ANXA2R: variants seen among roughly 807,000 people sequenced by gnomAD.
The protein encoded by ANXA2R is annexin A2 receptor, also known as annexin-2 receptor.
For missense variants in ANXA2R, 244 were observed against 241.5 expected (o/e 1.01, Z -0.07); for synonymous variants, 93 against 93.6 (o/e 0.99, Z 0.04).
At position 43,039,749 on chromosome 5, in the gene ANXA2R, G is replaced by A; in HGVS notation, c.298C>T (p.Gln100Ter). ...CCCACCTCTTCTACGGGTGCCTCTTGCTGCTTCTGTGTCCCCGGCCAACTG... is the reference window on the plus strand; with the variant it reads ...CCCACCTCTTCTACGGGTGCCTCTTACTGCTTCTGTGTCCCCGGCCAACTG... The change falls in exon 2 of 2, where the codon CAA (glutamine) becomes TAA (stop). Residue 100 changes from glutamine to a stop codon, truncating the protein, a stop_gained. Transcript: ENST00000314890. LOFTEE classifies it low-confidence loss of function (END_TRUNC). 1 of 1,614,214 alleles carries A rather than the reference G, an allele frequency of 6.2e-7. No individual in the cohort carries two copies.
rs1054428 is a variant in ANXA2R at position 43,039,691 on chromosome 5, T to C, written c.356A>G (p.Gln119Arg). ...QAEEPDRLRL[Q>R]QLPWSSPLHP... ...GAGAGGACTGCTCCAGGGAAGCTGC[T>C]GGAGCCTGAGTCTGTCGGGTTCCTC... Residue 119 changes from glutamine (Q) to arginine (R), a missense_variant, in exon 1 of 1, where the codon CAG becomes CGG. Physicochemically the swap from Gln to Arg is conservative, Grantham distance 43. Coordinates refer to ENST00000616064, the MANE Select transcript of ANXA2R (RefSeq NM_001014279.3). 476,934 of 1,613,498 alleles carry C rather than the reference T, an allele frequency of 0.3. 74,953 individuals carry two copies. Among genetic ancestry groups the C allele is most frequent in the Middle Eastern group, 0.37 (2,254 of 6,054 alleles).
rs1421799943 is a variant in ANXA2R, at chr5:43,040,016, G to A, written c.31C>T (p.Arg11Trp). Residue 11 changes from arginine to tryptophan, a missense_variant, in exon 1 of 1, where the codon CGG becomes TGG. By Grantham distance (101) the Arg-to-Trp change is moderately radical. Coordinates refer to ENST00000616064, the MANE Select transcript of ANXA2R (RefSeq NM_001014279.3). MEQHFLGCVK[R>W]AWDSAEVAPE... ...GCCACCTCTGCGGAATCCCAAGCCCGCTTCACACAGCCAAGAAAATGTTGC... is the reference window on the plus strand; with the variant it reads ...GCCACCTCTGCGGAATCCCAAGCCCACTTCACACAGCCAAGAAAATGTTGC... 6 of 1,610,402 alleles carry A rather than the reference G, an allele frequency of 3.7e-6. No individual in the cohort carries two copies. The highest frequency in any genetic ancestry group is 4.2e-6 in the Non-Finnish European group (5 of 1,178,648).
At chr5:43,041,237 C>CA (rs1209051706), upstream of ANXA2R, 2 of 152,164 alleles carry the variant, frequency 1.3e-5, no homozygotes, top group Non-Finnish European at 2.9e-5. Flanking sequence ...GCAAAAGTTA[C>CA]AGAGAACCAA....
Position 43,039,860 on chromosome 5 carries a change from G to A in ANXA2R, c.187C>T (p.Arg63Trp), listed in dbSNP as rs200897371. 1.2e-6 allele frequency: 2 copies of A among 1,614,222 alleles called. No individual in the cohort carries two copies. Among genetic ancestry groups the A allele is most frequent in the East Asian group, 4.5e-5 (2 of 44,888 alleles). ...TTTTGCCAGTAGACTCCGGGCAGCC[G>A]CCAGCAAGGGCTGGAAAGCAGTCCC... ...DLGLLSSPCW[R>W]LPGVYWQNGL... The change falls in exon 1 of 1, where the codon CGG becomes TGG. Residue 63 changes from arginine to tryptophan, a missense_variant. Physicochemically the swap from Arg to Trp is moderately radical, Grantham distance 101. Coordinates refer to ENST00000616064, the MANE Select transcript of ANXA2R (RefSeq NM_001014279.3).
In ANXA2R at chr5:43,040,060, G is replaced by A. The variant is rs1436639953; in HGVS notation, c.-14C>T. 2 of 1,587,242 alleles carry A rather than the reference G, an allele frequency of 1.3e-6. No homozygotes were observed. Among genetic ancestry groups the A allele is most frequent in the East Asian group, 2.2e-5 (1 of 44,784 alleles). On this transcript the variant is annotated 5_prime_UTR_variant, in exon 1 of 1. Coordinates refer to ENST00000616064, the MANE Select transcript of ANXA2R (RefSeq NM_001014279.3). ...ATGTTGCTCCATCCCTCAAGCCTCA[G>A]ACCAACGTTTGCGCTGATCAAGGAG...
chr5:43,041,835 A>G (rs1295839151), upstream of ANXA2R: 3 of 152,132 alleles, frequency 2.0e-5, no homozygotes, highest in Admixed American at 1.3e-4. Context: ...CTGCTGACCA[A>G]CGAGTCACAG....
At position 43,040,312 on chromosome 5, in the gene ANXA2R, T is replaced by C; in HGVS notation, c.-266A>G. ...GAAATGAAATGACACTAAGCAAATC[T>C]TGAAGAGAACTAGCGCTACAGAACG... On this transcript the variant is annotated 5_prime_UTR_variant, in exon 1 of 1. Transcript: ENST00000616064. 2.5e-6 allele frequency: 1 copy of C among 400,094 alleles called. No homozygotes were observed. The highest frequency in any genetic ancestry group is 4.7e-6 in the Non-Finnish European group (1 of 213,486). The allele number at this position is 400,094 out of a possible 1,614,324, so 24.8% of individuals were successfully genotyped here. A position where few individuals can be genotyped will look rare whatever the true frequency, so the allele number is the denominator to read the frequency against.
rs1246783829 is a variant in ANXA2R, at chr5:43,039,841, C to T, written c.206G>A (p.Trp69Ter). 1.2e-6 allele frequency: 2 copies of T among 1,614,218 alleles called. No homozygotes were observed. Among genetic ancestry groups the T allele is most frequent in the South Asian group, 2.2e-5 (2 of 91,082 alleles). The change falls in exon 2 of 2, where the codon TGG (tryptophan) becomes TAG (stop). Residue 69 changes from tryptophan to a stop codon, truncating the protein, a stop_gained. Transcript: ENST00000314890. LOFTEE classifies it low-confidence loss of function (END_TRUNC). ...GACTCCAGGAGAGAGTCCGTTTTGCCAGTAGACTCCGGGCAGCCGCCAGCA... is the reference window on the plus strand; with the variant it reads ...GACTCCAGGAGAGAGTCCGTTTTGCTAGTAGACTCCGGGCAGCCGCCAGCA...
In ANXA2R at chr5:43,040,031, G is replaced by T. The variant is rs1342120793; in HGVS notation, c.16C>A (p.Leu6Ile). The T allele has an allele frequency of 6.2e-7, 1 of 1,608,052 alleles. No homozygotes were observed. The highest frequency in any genetic ancestry group is 8.5e-7 in the Non-Finnish European group (1 of 1,177,440). The part of the protein sequence containing the change: MEQHF[L>I]GCVKRAWDSA... Reference sequence around the variant, plus strand: ...TCCCAAGCCCGCTTCACACAGCCAAGAAAATGTTGCTCCATCCCTCAAGCC... The same window carrying T: ...TCCCAAGCCCGCTTCACACAGCCAATAAAATGTTGCTCCATCCCTCAAGCC... The change falls in exon 1 of 1, where the codon CTT becomes ATT. Residue 6 changes from leucine (L) to isoleucine (I), a missense_variant. Leu to Ile is a conservative substitution (Grantham distance 5). Transcript: ENST00000616064.
Position 43,040,009 on chromosome 5 carries a change from C to G in ANXA2R, c.38G>C (p.Trp13Ser). ...QHFLGCVKRAWDSAEVAPEPQ... is the reference protein window; with the variant it reads ...QHFLGCVKRASDSAEVAPEPQ... The stretch of plus-strand genomic sequence containing the variant: ...CTCTGGCGCCACCTCTGCGGAATCC[C>G]AAGCCCGCTTCACACAGCCAAGAAA... The change falls in exon 1 of 1, where the codon TGG becomes TCG. Residue 13 changes from tryptophan (W) to serine (S), a missense_variant. Trp to Ser is a radical substitution (Grantham distance 177, BLOSUM62 -3). Transcript: ENST00000616064. 8 of 1,612,242 alleles carry G rather than the reference C, an allele frequency of 5.0e-6. No individual in the cohort carries two copies. The highest frequency in any genetic ancestry group is 6.8e-6 in the Non-Finnish European group (8 of 1,179,452).
In ANXA2R at chr5:43,040,027, C is replaced by T. The variant is rs1742163685; in HGVS notation, c.20G>A (p.Gly7Asp). Residue 7 changes from glycine (G) to aspartate (D), a missense_variant, in exon 1 of 1, where the codon GGC (glycine) becomes GAC (aspartate). Gly to Asp is a moderately conservative substitution (Grantham distance 94, BLOSUM62 -1). Coordinates refer to ENST00000616064, the MANE Select transcript of ANXA2R (RefSeq NM_001014279.3). MEQHFL[G>D]CVKRAWDSAE... ...GGAATCCCAAGCCCGCTTCACACAG[C>T]CAAGAAAATGTTGCTCCATCCCTCA... is the stretch of plus-strand genomic sequence containing the variant. The T allele has an allele frequency of 6.2e-7, 1 of 1,608,540 alleles. No individual in the cohort carries two copies.
Position 43,039,929 on chromosome 5 carries a change from A to G in ANXA2R, c.118T>C (p.Leu40=), listed in dbSNP as rs1742159945. Residue 40 remains leucine (L), a synonymous_variant, in exon 1 of 1, where the codon TTG becomes CTG. Coordinates refer to ENST00000616064, the MANE Select transcript of ANXA2R (RefSeq NM_001014279.3). ...SEDRGPWPLP[L]YPVLGEYSLD... is the part of the protein sequence containing the mutation. ...GAGTACTCTCCTAGTACTGGATACA[A>G]AGGAAGAGGCCACGGCCCACGATCT... The G allele has an allele frequency of 4.3e-6, 7 of 1,614,208 alleles. No individual in the cohort carries two copies. The highest frequency in any genetic ancestry group is 1.3e-5 in the African/African-American group (1 of 75,058).
rs1162442794 is a variant in ANXA2R at position 43,039,569 on chromosome 5, G to A, written c.478C>T (p.Pro160Ser). 4 of 1,613,848 alleles carry A rather than the reference G, an allele frequency of 2.5e-6. No individual in the cohort carries two copies. The highest frequency in any genetic ancestry group is 1.1e-5 in the South Asian group (1 of 91,072). Residue 160 changes from proline (P) to serine (S), a missense_variant, in exon 1 of 1, where the codon CCG becomes TCG. Physicochemically the swap from Pro to Ser is moderately conservative, Grantham distance 74. Transcript: ENST00000616064. ...CACTCCAGGCAGTCTGAGAAACCCGGGAGGTGGCGCCACGGCTGGAGGGCA... is the reference window on the plus strand; with the variant it reads ...CACTCCAGGCAGTCTGAGAAACCCGAGAGGTGGCGCCACGGCTGGAGGGCA... ...PPALQPWRHL[P>S]GFSDCLEWIL...
chr5:43,040,136 C>A lies in ANXA2R; in HGVS notation c.-90G>T. 1 of 1,291,032 alleles carries A rather than the reference C, an allele frequency of 7.7e-7. No individual in the cohort carries two copies. Among genetic ancestry groups the A allele is most frequent in the Non-Finnish European group, 1.1e-6 (1 of 943,126 alleles). The allele number at this position is 1,291,032 out of a possible 1,614,324, so 80.0% of individuals were successfully genotyped here. A position where few individuals can be genotyped will look rare whatever the true frequency, so the allele number is the denominator to read the frequency against. On this transcript the variant is annotated 5_prime_UTR_variant, in exon 1 of 1. Coordinates refer to ENST00000616064, the MANE Select transcript of ANXA2R (RefSeq NM_001014279.3). The stretch of plus-strand genomic sequence containing the variant: ...CTGAGTATTTATGCTCTGCAGAGCC[C>A]GTGGGCGGAGGCCAGTCAGATATTA...
upstream of ANXA2R, chr5:43,042,950 A>G (rs1035612926): frequency 1.3e-5 from 2 of 152,288 alleles, no homozygotes; most frequent in Non-Finnish European, 2.9e-5. This position sits in a 1 kb window ranked among gnomAD's most constrained non-coding sequence, Gnocchi z 5.6. Flanking sequence ...TAACCACGAC[A>G]GACAGTCGCC....
Position 43,039,938 on chromosome 5 carries a change from G to T in ANXA2R, c.109C>A (p.Pro37Thr), listed in dbSNP as rs755069620. The T allele has an allele frequency of 5.6e-6, 9 of 1,614,196 alleles. No homozygotes were observed. In the Admixed American group the frequency reaches 1.5e-4, roughly 27 times the overall value. ...IVSSEDRGPWPLPLYPVLGEY... is the reference protein window; with the variant it reads ...IVSSEDRGPWTLPLYPVLGEY... ...CCTAGTACTGGATACAAAGGAAGAGGCCACGGCCCACGATCTTCTGAACTC... is the reference window on the plus strand; with the variant it reads ...CCTAGTACTGGATACAAAGGAAGAGTCCACGGCCCACGATCTTCTGAACTC... Residue 37 changes from proline to threonine, a missense_variant, in exon 1 of 1, where the codon CCT becomes ACT. Physicochemically the swap from Pro to Thr is conservative, Grantham distance 38. Transcript: ENST00000616064.
At chr5:43,040,326 C>A, upstream of ANXA2R, 1 of 346,960 alleles carries the variant, frequency 2.9e-6, no homozygotes. Context: ...AGAGAACTAG[C>A]GCTACAGAAC....
chr5:43,039,383 G>A lies in ANXA2R; in HGVS notation c.*82C>T. On this transcript the variant is annotated 3_prime_UTR_variant, in exon 1 of 1. Coordinates refer to ENST00000616064, the MANE Select transcript of ANXA2R (RefSeq NM_001014279.3). ...ACCAGCAATGAAAGCACATCTTAAT[G>A]TATTTTTATTTTCTAGGTGGAGACG... 2.5e-6 allele frequency: 3 copies of A among 1,177,174 alleles called. No homozygotes were observed. The highest frequency in any genetic ancestry group is 3.5e-6 in the Non-Finnish European group (3 of 857,068). The allele number at this position is 1,177,174 out of a possible 1,614,324, so 72.9% of individuals were successfully genotyped here. A position where few individuals can be genotyped will look rare whatever the true frequency, so the allele number is the denominator to read the frequency against.
In ANXA2R at chr5:43,040,002, G is replaced by C; in HGVS notation, c.45C>G (p.Ser15=). 1 of 1,613,084 alleles carries C rather than the reference G, an allele frequency of 6.2e-7. No individual in the cohort carries two copies. Among genetic ancestry groups the C allele is most frequent in the Non-Finnish European group, 8.5e-7 (1 of 1,179,736 alleles). The change falls in exon 1 of 1, where the codon TCC becomes TCG. Residue 15 remains serine, a synonymous_variant. Transcript: ENST00000616064. ...GCTGGGGCTCTGGCGCCACCTCTGCGGAATCCCAAGCCCGCTTCACACAGC... is the reference window on the plus strand; with the variant it reads ...GCTGGGGCTCTGGCGCCACCTCTGCCGAATCCCAAGCCCGCTTCACACAGC... ...FLGCVKRAWD[S]AEVAPEPQPP...
Sources: gnomAD v4.1 joint callset for allele counts on GRCh38, gnomAD v4.1.1 for gene constraint, Gnocchi (gnomAD v3.1) non-coding constraint, MANE v1.5 for transcripts, NCBI Gene and HGNC (gene_info 2026-07-23, HGNC 2026-07-21) for gene names.